TNNI3K: variants seen among roughly 807,000 people sequenced by gnomAD.
The protein encoded by TNNI3K is TNNI3 interacting kinase.
In TNNI3K, 140 loss-of-function variants were observed where a neutral mutation model predicts 114.5. The observed-to-expected ratio is 1.22, with a 90% CI of 1.07 to 1.41. TNNI3K has a LOEUF of 1.41. Among genes scored for constraint, TNNI3K ranks in the 40% most tolerant of loss-of-function variants. TNNI3K has a pLI of 0.00. For synonymous variants in TNNI3K, 347 were observed against 347.5 expected (o/e 1.00, Z 0.02); for missense variants, 1,125 against 1,007.6 (o/e 1.12, Z -1.58).
chr1:74,323,963 T>G (rs1659761454), intron 5 of TNNI3K, among the ~76,000 whole-genome samples: 1 of 152,148 alleles, frequency 6.6e-6, no homozygotes, highest in Non-Finnish European at 1.5e-5. Flanking sequence ...AAAATTGTGG[T>G]GTCAAGCAAT....
intron 17 of TNNI3K, among the ~76,000 whole-genome samples, chr1:74,399,801 A>T (rs545266275): frequency 2.4e-4 from 37 of 152,332 alleles, no homozygotes; most frequent in African/African-American, 8.2e-4. Context: ...CAATTATTGG[A>T]TGGAGCACAA....
At chr1:74,429,518 G>A (rs779991069) in intron 17 of TNNI3K, among the ~76,000 whole-genome samples, 1 of 152,122 alleles carries the variant, frequency 6.6e-6, no homozygotes, top group Non-Finnish European at 1.5e-5. Flanking sequence ...AAAAGTTCAT[G>A]AGGGGTTTTC....
intron 7 of TNNI3K, among the ~76,000 whole-genome samples, chr1:74,340,938 T>G (rs1271126638): frequency 6.6e-6 from 1 of 152,180 alleles, no homozygotes; most frequent in East Asian, 1.9e-4. Flanking sequence ...TTCAAAGGTT[T>G]GTTTGTAATA....
intron 5 of TNNI3K, among the ~76,000 whole-genome samples, chr1:74,297,522 C>CGTGTGTGTGTGTGT (rs10633137): frequency 0.023 from 3,329 of 145,406 alleles, 68 homozygotes; most frequent in African/African-American, 0.039. Flanking sequence ...TGTGTGTGTG[C>CGTGTGTGTGTGTGT]GTGTGTGTGT....
chr1:74,444,609 A>G (rs1381167294), intron 20 of TNNI3K, among the ~76,000 whole-genome samples: 1 of 152,218 alleles, frequency 6.6e-6, no homozygotes, highest in Non-Finnish European at 1.5e-5. Context: ...CAGACTGCCC[A>G]AAGTAATTTA....
chr1:74,506,232 G>A (rs918700887), intron 23 of TNNI3K, among the ~76,000 whole-genome samples: 2 of 152,192 alleles, frequency 1.3e-5, no homozygotes, highest in African/African-American at 4.8e-5. Context: ...CACTTAGTAT[G>A]TTCTAGACGC....
chr1:74,289,701 A>C (rs1657558679), intron 5 of TNNI3K, among the ~76,000 whole-genome samples: 1 of 151,986 alleles, frequency 6.6e-6, no homozygotes. Flanking sequence ...CTGTCAAGAT[A>C]AATAAGTTCA....
intron 21 of TNNI3K, among the ~76,000 whole-genome samples, chr1:74,481,364 G>A (rs1463334783): frequency 6.6e-6 from 1 of 152,170 alleles, no homozygotes; most frequent in Non-Finnish European, 1.5e-5. Flanking sequence ...TAAGAGCTGA[G>A]CCTGTGTCTG....
intron 2 of TNNI3K, 25 bp downstream of exon 2, chr1:74,236,235 C>A (rs201165485): frequency 2.5e-6 from 4 of 1,582,364 alleles, no homozygotes; most frequent in Non-Finnish European, 3.5e-6. Flanking sequence ...GTCATTATTT[C>A]TTTGTATAAG....
chr1:74,399,283 G>A (rs1006954321), intron 17 of TNNI3K, among the ~76,000 whole-genome samples: 16 of 151,548 alleles, frequency 1.1e-4, no homozygotes, highest in African/African-American at 3.9e-4. Flanking sequence ...CCCCTTACAA[G>A]TTATTATGTG....
intron 11 of TNNI3K, among the ~76,000 whole-genome samples, chr1:74,354,586 T>C (rs1390787570): frequency 1.3e-5 from 2 of 152,216 alleles, no homozygotes; most frequent in African/African-American, 4.8e-5. Context: ...GTAAACTTAT[T>C]TGAATATAAA....
At chr1:74,282,601 G>A (rs575092613) in intron 5 of TNNI3K, among the ~76,000 whole-genome samples, 5 of 152,196 alleles carry the variant, frequency 3.3e-5, no homozygotes, top group African/African-American at 1.2e-4. Flanking sequence ...GAGGTATTAT[G>A]GGGTTAGGGC....
At chr1:74,280,460 C>T (rs932219973) in intron 5 of TNNI3K, among the ~76,000 whole-genome samples, 1 of 152,138 alleles carries the variant, frequency 6.6e-6, no homozygotes. Flanking sequence ...TACCTAAACT[C>T]TTCCCCACCT....
intron 5 of TNNI3K, among the ~76,000 whole-genome samples, chr1:74,300,891 C>A (rs1268270959): frequency 6.6e-6 from 1 of 152,022 alleles, no homozygotes; most frequent in East Asian, 1.9e-4. Context: ...ATCATAATAA[C>A]AGGATTGACT....
chr1:74,503,970 C>A (rs987524267), intron 23 of TNNI3K, among the ~76,000 whole-genome samples: 1 of 152,162 alleles, frequency 6.6e-6, no homozygotes, highest in African/African-American at 2.4e-5. Context: ...GGGGAGTGGT[C>A]TTTCACAAAG....
In TNNI3K at chr1:74,336,015, C is replaced by T. The variant is rs148709595; in HGVS notation, c.548C>T (p.Thr183Ile). 7.6e-6 allele frequency: 12 copies of T among 1,570,246 alleles called. No homozygotes were observed. The Admixed American group carries it at 1.7e-4, about 22-fold the overall frequency. Reference protein sequence around the residue: ...IAAYYGHEQVTRLLLKFGADV... With the variant: ...IAAYYGHEQVIRLLLKFGADV... The stretch of plus-strand genomic sequence containing the variant: ...TCAAATGAATAAATCCTTTAGGTAA[C>T]TCGCCTTCTTTTGAAATTTGGTGCT... Residue 183 changes from threonine (T) to isoleucine (I), a missense_variant, in exon 7 of 25, where the codon ACT (threonine) becomes ATT (isoleucine). Physicochemically the swap from Thr to Ile is moderately conservative, Grantham distance 89. Transcript: ENST00000326637.
chr1:74,480,561 T>C, intron 21 of TNNI3K: 1 of 717,362 alleles, frequency 1.4e-6, no homozygotes, highest in Non-Finnish European at 2.6e-6. Flanking sequence ...ATAAAATTGT[T>C]GGATAAATCC....
intron 21 of TNNI3K, among the ~76,000 whole-genome samples, chr1:74,481,332 G>T (rs1293248643): frequency 6.6e-6 from 1 of 152,160 alleles, no homozygotes; most frequent in Non-Finnish European, 1.5e-5. Context: ...ATCTAGCCCT[G>T]CAGATCCAGG....
chr1:74,444,522 G>A (rs1437968952), intron 20 of TNNI3K, among the ~76,000 whole-genome samples: 1 of 151,980 alleles, frequency 6.6e-6, no homozygotes, highest in African/African-American at 2.4e-5. Flanking sequence ...ACTGCTCAAA[G>A]AAATAAGAGA....
Sources: allele counts gnomAD v4.1 joint callset (sites outside exome capture counted in the v4.1 genomes callset), GRCh38; gene constraint gnomAD v4.1.1; transcripts MANE v1.5; gene names NCBI Gene and HGNC (gene_info 2026-07-23, HGNC 2026-07-21).